The following UNC5D variants were observed in gnomAD, a reference collection of about 807,000 sequenced individuals.
UNC5D encodes the protein unc-5 netrin receptor D, also known as netrin receptor UNC5D.
In UNC5D, 39 loss-of-function variants were observed where a neutral mutation model predicts 105.4. That is an observed-to-expected ratio of 0.37 (90% CI 0.29 to 0.48). The LOEUF is 0.48. UNC5D is among the 20% of genes least tolerant of loss of function. The pLI is 0.98. For synonymous variants in UNC5D, 452 were observed against 450.4 expected (o/e 1.00, Z -0.04); for missense variants, 991 against 1,202.4 (o/e 0.82, Z 2.60).
intron 7 of UNC5D, among the ~76,000 whole-genome samples, chr8:35,689,459 C>T (rs1490937545): frequency 6.6e-6 from 1 of 152,174 alleles, no homozygotes; most frequent in African/African-American, 2.4e-5. Flanking sequence ...TATGCACACA[C>T]ATAGAGGAAG....
intron 1 of UNC5D, among the ~76,000 whole-genome samples, chr8:35,338,094 C>T (rs146554745): frequency 6.6e-6 from 1 of 152,106 alleles, no homozygotes; most frequent in Admixed American, 6.6e-5. Context: ...TTGTCTATAA[C>T]GTCTGTGGTT....
At chr8:35,789,314 C>T (rs759020843) in intron 16 of UNC5D, among the ~76,000 whole-genome samples, 7 of 149,414 alleles carry the variant, frequency 4.7e-5, no homozygotes. Context: ...AACTAGAATG[C>T]AGAGTATATT....
chr8:35,265,295 T>TC (rs542396530), intron 1 of UNC5D, among the ~76,000 whole-genome samples: 3 of 152,254 alleles, frequency 2.0e-5, no homozygotes, highest in Non-Finnish European at 2.9e-5. Context: ...TCTTTTTTTT[T>TC]CCCCATAAAG....
chr8:35,260,490 A>G (rs1005516677), intron 1 of UNC5D, among the ~76,000 whole-genome samples: 37 of 152,260 alleles, frequency 2.4e-4, no homozygotes, highest in Admixed American at 1.6e-3. Context: ...TTGTTGTTTG[A>G]GATGGAGTCT....
At chr8:35,264,729 CAAAAAAAAA>C (rs6150548) in intron 1 of UNC5D, among the ~76,000 whole-genome samples, 23 of 142,662 alleles carry the variant, frequency 1.6e-4, no homozygotes, top group Admixed American at 4.1e-4. Context: ...GACTCTGTCT[CAAAAAAAAA>C]AAAAAAAAAA....
intron 1 of UNC5D, among the ~76,000 whole-genome samples, chr8:35,245,452 C>T (rs1442867544): frequency 6.6e-6 from 1 of 152,058 alleles, no homozygotes; most frequent in Non-Finnish European, 1.5e-5. Context: ...GCAGTGATTA[C>T]TAGCAGCTTG....
intron 12 of UNC5D, among the ~76,000 whole-genome samples, chr8:35,749,989 T>TAAAAAAA (rs11380512): frequency 1.5e-5 from 2 of 136,960 alleles, no homozygotes; most frequent in East Asian, 2.0e-4. Context: ...GAAATAGTTG[T>TAAAAAAA]AAAAAAAAAA....
At chr8:35,717,948 T>A (rs1340400994) in intron 8 of UNC5D, among the ~76,000 whole-genome samples, 1 of 152,218 alleles carries the variant, frequency 6.6e-6, no homozygotes, top group Non-Finnish European at 1.5e-5. Flanking sequence ...AGGGTCCTAG[T>A]TTCCAGCTCT....
At chr8:35,306,066 C>G (rs1331817009) in intron 1 of UNC5D, among the ~76,000 whole-genome samples, 1 of 151,796 alleles carries the variant, frequency 6.6e-6, no homozygotes, top group Non-Finnish European at 1.5e-5. Context: ...AAGTAAACAA[C>G]ACTGCAATAG....
chr8:35,716,949 A>G (rs1828283369), intron 8 of UNC5D, among the ~76,000 whole-genome samples: 1 of 152,230 alleles, frequency 6.6e-6, no homozygotes, highest in African/African-American at 2.4e-5. Flanking sequence ...GGCACTTTGT[A>G]TCAACACCAC....
At chr8:35,545,887 CT>C (rs1815634819) in intron 1 of UNC5D, among the ~76,000 whole-genome samples, 1 of 151,472 alleles carries the variant, frequency 6.6e-6, no homozygotes, top group Admixed American at 6.6e-5. Flanking sequence ...TTAACTGATT[CT>C]TTTTTCTTTA....
chr8:35,481,750 C>T (rs1169670430), intron 1 of UNC5D, among the ~76,000 whole-genome samples: 1 of 152,164 alleles, frequency 6.6e-6, no homozygotes, highest in Non-Finnish European at 1.5e-5. Context: ...TTAGTATCCA[C>T]ATGCATATTT....
intron 1 of UNC5D, among the ~76,000 whole-genome samples, chr8:35,274,244 A>G (rs1805618064): frequency 6.6e-6 from 1 of 152,216 alleles, no homozygotes. Context: ...ACCACAGTGC[A>G]AAAGGACTGC....
chr8:35,544,321 A>G, intron 1 of UNC5D: 1 of 1,466,418 alleles, frequency 6.8e-7, no homozygotes, highest in South Asian at 1.4e-5. Context: ...GGCTTTGTGT[A>G]AGAAGGAAGA....
chr8:35,262,390 A>G (rs1362469627), intron 1 of UNC5D, among the ~76,000 whole-genome samples: 3 of 152,240 alleles, frequency 2.0e-5, no homozygotes, highest in African/African-American at 7.2e-5. Flanking sequence ...CCCAATAGGC[A>G]GCCCTGTTTT....
At chr8:35,474,526 G>A (rs1809952530) in intron 1 of UNC5D, among the ~76,000 whole-genome samples, 1 of 152,166 alleles carries the variant, frequency 6.6e-6, no homozygotes, top group Non-Finnish European at 1.5e-5. Flanking sequence ...TGCTATCGTA[G>A]TTGAGTTTGA....
chr8:35,533,788 C>A (rs577889442), intron 1 of UNC5D, among the ~76,000 whole-genome samples: 1 of 152,160 alleles, frequency 6.6e-6, no homozygotes, highest in Non-Finnish European at 1.5e-5. Flanking sequence ...GCACAATATT[C>A]GGGTGGGAGT....
chr8:35,436,750 C>T (rs1330681228), intron 1 of UNC5D, among the ~76,000 whole-genome samples: 1 of 151,908 alleles, frequency 6.6e-6, no homozygotes, highest in African/African-American at 2.4e-5. Context: ...GGACTATATA[C>T]CCTAAAATGA....
intron 2 of UNC5D, 90 bp downstream of exon 2, chr8:35,549,600 C>A (rs911316919): frequency 4.7e-6 from 6 of 1,263,620 alleles, no homozygotes; most frequent in South Asian, 1.4e-5. Context: ...AATCACCCCC[C>A]ATTGCCTTGT....
Sources: allele counts gnomAD v4.1 joint callset (sites outside exome capture counted in the v4.1 genomes callset), GRCh38; gene constraint gnomAD v4.1.1; transcripts MANE v1.5; gene names NCBI Gene and HGNC (gene_info 2026-07-23, HGNC 2026-07-21).